The following SEL1L2 variants were observed in gnomAD, a reference collection of about 807,000 sequenced individuals.
SEL1L2 encodes the protein protein sel-1 homolog 2.
A neutral mutation model predicts 98.8 loss-of-function variants in SEL1L2; 89 were observed. The ratio of observed to expected loss-of-function variants is 0.90; its 90% confidence interval spans 0.76 to 1.07. The LOEUF is 1.07. SEL1L2 is among the 50% of genes least tolerant of loss of function. The pLI is 0.00. For missense variants in SEL1L2, 788 were observed against 812.0 expected (o/e 0.97, Z 0.36); for synonymous variants, 262 against 278.5 (o/e 0.94, Z 0.59).
chr20:13,926,416 G>T (rs1010435123), intron 3 of SEL1L2, among the ~76,000 whole-genome samples: 3 of 152,130 alleles, frequency 2.0e-5, no homozygotes, highest in Non-Finnish European at 2.9e-5. Flanking sequence ...ACTGCGATGC[G>T]GGCTCACTTG....
intron 3 of SEL1L2, among the ~76,000 whole-genome samples, chr20:13,926,176 C>T (rs1022215702): frequency 1.2e-4 from 18 of 152,232 alleles, no homozygotes; most frequent in Admixed American, 1.2e-3. Flanking sequence ...ATTAGCCAGG[C>T]GTGGTGCAGG....
intron 10 of SEL1L2, among the ~76,000 whole-genome samples, chr20:13,882,990 T>TG (rs1178555890): frequency 3.3e-5 from 5 of 151,924 alleles, no homozygotes; most frequent in African/African-American, 1.2e-4. Flanking sequence ...CTAATTTTTT[T>TG]TGTGTGTTTT....
intron 12 of SEL1L2, among the ~76,000 whole-genome samples, chr20:13,872,528 C>T (rs1161863901): frequency 6.6e-6 from 1 of 152,114 alleles, no homozygotes; most frequent in Non-Finnish European, 1.5e-5. Flanking sequence ...AACTGTGAGC[C>T]AATTAAATCT....
chr20:13,952,041 C>A (rs1459738129), intron 2 of SEL1L2, among the ~76,000 whole-genome samples: 1 of 152,174 alleles, frequency 6.6e-6, no homozygotes, highest in Non-Finnish European at 1.5e-5. Context: ...AGGGAGCTAA[C>A]CAAAGCCAAG....
chr20:13,928,744 A>T (rs2049002479), intron 3 of SEL1L2, among the ~76,000 whole-genome samples: 1 of 152,250 alleles, frequency 6.6e-6, no homozygotes, highest in African/African-American at 2.4e-5. Context: ...AATAGGTTGG[A>T]ATAATGGTCC....
upstream of SEL1L2, among the ~76,000 whole-genome samples, chr20:13,991,087 GCAAA>G (rs2052518637): frequency 6.6e-6 from 1 of 152,242 alleles, no homozygotes; most frequent in African/African-American, 2.4e-5. Flanking sequence ...TGGAACAAAG[GCAAA>G]CAAAGACTGT....
Position 13,896,862 on chromosome 20 carries a change from C to T in SEL1L2, c.550-8350G>A, listed in dbSNP as rs181020942. Reference sequence around the variant, plus strand: ...AACAATTACAGATTTAATGCAATCCCTATTAAAATATCAATGTTATTTTTT... The same window carrying T: ...AACAATTACAGATTTAATGCAATCCTTATTAAAATATCAATGTTATTTTTT... On this transcript the variant is annotated intron_variant, in intron 5 of 19. Coordinates refer to ENST00000284951, the MANE Select transcript of SEL1L2 (RefSeq NM_025229.2). Among the ~76,000 whole-genome samples the T allele has an allele frequency of 5.3e-3, 799 of 152,190 alleles. 6 individuals carry two copies. The highest frequency in any genetic ancestry group is 0.018 in the African/African-American group (748 of 41,532).
chr20:13,881,871 A>G (rs2046717405), intron 10 of SEL1L2, among the ~76,000 whole-genome samples: 1 of 152,216 alleles, frequency 6.6e-6, no homozygotes, highest in African/African-American at 2.4e-5. Flanking sequence ...GCTGAGGACT[A>G]TAGTTAAAAA....
At chr20:13,964,284 T>C (rs2050925522) in intron 1 of SEL1L2, among the ~76,000 whole-genome samples, 1 of 152,104 alleles carries the variant, frequency 6.6e-6, no homozygotes, top group Admixed American at 6.6e-5. Flanking sequence ...GAGGCCAAGT[T>C]TGAATTTGGA....
intron 1 of SEL1L2, among the ~76,000 whole-genome samples, chr20:13,976,301 G>GTT (rs200906934): frequency 3.3e-5 from 5 of 150,914 alleles, no homozygotes; most frequent in Admixed American, 1.3e-4. Context: ...CACCCGGACT[G>GTT]TTTTTTTTTG....
At chr20:13,955,122 G>T (rs1258802882) in intron 2 of SEL1L2, among the ~76,000 whole-genome samples, 1 of 152,048 alleles carries the variant, frequency 6.6e-6, no homozygotes, top group Non-Finnish European at 1.5e-5. Flanking sequence ...CTATTGGCTG[G>T]GGATAACAGC....
intron 10 of SEL1L2, among the ~76,000 whole-genome samples, chr20:13,881,116 CGA>C (rs1296943705): frequency 2.6e-5 from 4 of 152,188 alleles, no homozygotes; most frequent in Non-Finnish European, 1.5e-5. Flanking sequence ...CAGATTCAAG[CGA>C]TTCTCCTGCC....
chr20:13,886,237 C>A (rs2046948185), intron 9 of SEL1L2, 51 bp downstream of exon 9: 1 of 1,369,578 alleles, frequency 7.3e-7, no homozygotes, highest in Non-Finnish European at 1.0e-6. Flanking sequence ...AAGAATTAAG[C>A]CCCTTGTAAT....
intron 18 of SEL1L2, among the ~76,000 whole-genome samples, chr20:13,852,106 G>A (rs973702972): frequency 6.6e-6 from 1 of 152,202 alleles, no homozygotes; most frequent in Non-Finnish European, 1.5e-5. Context: ...GATGATAACA[G>A]CTTTCATGCT....
At chr20:13,992,934 A>T (rs2052570351), upstream of SEL1L2, among the ~76,000 whole-genome samples, 1 of 152,210 alleles carries the variant, frequency 6.6e-6, no homozygotes, top group South Asian at 2.1e-4. Context: ...AAACTTAATT[A>T]CTTCGTAAAG....
In SEL1L2 at chr20:13,859,452, G is replaced by A. The variant is rs201226010; in HGVS notation, c.1646-18C>T. 2.1e-5 allele frequency: 34 copies of A among 1,596,212 alleles called. No individual in the cohort carries two copies. The African/African-American group carries it at 3.5e-4, about 16-fold the overall frequency. On this transcript the variant is annotated intron_variant, in intron 17 of 19. Transcript: ENST00000284951. ...TGCATTGCCTGATAGAAATATTAGA[G>A]AAAAAAGAATCATAACTCAAATGAT...
chr20:13,933,746 A>G (rs965477916), intron 2 of SEL1L2, among the ~76,000 whole-genome samples: 1 of 152,158 alleles, frequency 6.6e-6, no homozygotes, highest in Non-Finnish European at 1.5e-5. Context: ...ACAGAAAGAG[A>G]AAGAGCCTGG....
At chr20:13,929,456 G>T (rs2049034052) in intron 3 of SEL1L2, among the ~76,000 whole-genome samples, 1 of 145,228 alleles carries the variant, frequency 6.9e-6, no homozygotes, top group South Asian at 2.2e-4. Context: ...TGGAAAGCCA[G>T]GTGTGTTGGA....
chr20:13,850,419 A>T, intron 18 of SEL1L2, 100 bp from the exon 19 acceptor site: 1 of 1,301,292 alleles, frequency 7.7e-7, no homozygotes, highest in South Asian at 1.3e-5. Context: ...TACAGGTCTT[A>T]AGATAGGGAG....
Sources: allele counts gnomAD v4.1 joint callset (sites outside exome capture counted in the v4.1 genomes callset), GRCh38; gene constraint gnomAD v4.1.1; transcripts MANE v1.5; gene names NCBI Gene and HGNC (gene_info 2026-07-23, HGNC 2026-07-21).